Variants in CD47 observed in about 807,000 individuals in gnomAD.
CD47 encodes the protein leukocyte surface antigen CD47.
In CD47, 11 loss-of-function variants were observed where a neutral mutation model predicts 44.6. That is an observed-to-expected ratio of 0.25 (90% CI 0.16 to 0.41). The LOEUF (loss-of-function observed/expected upper bound fraction) is 0.41. CD47 is among the 10% of genes least tolerant of loss of function. The pLI is 1.00. For synonymous variants in CD47, 140 were observed against 136.3 expected, an observed-to-expected ratio of 1.03 and a Z score of -0.19; for missense variants, 306 against 386.7, an observed-to-expected ratio of 0.79 and a Z score of 1.75.
chr3:108,079,957 C>T, intron 2 of CD47, 34 bp downstream of exon 2: 1 of 1,462,236 alleles, frequency 6.8e-7, no homozygotes, highest in Non-Finnish European at 9.4e-7. Context: ...TGCACCAGGA[C>T]AAATAAAAAA....
At chr3:108,049,496 G>C in intron 10 of CD47, 123 bp downstream of exon 10, 1 of 706,800 alleles carries the variant, frequency 1.4e-6, no homozygotes, top group Non-Finnish European at 2.5e-6. Context: ...CAAGAAATGT[G>C]AACCTTTATC....
At chr3:108,058,789 CA>C (rs1011325742) in intron 5 of CD47, among the ~76,000 whole-genome samples, 1 of 152,184 alleles carries the variant, frequency 6.6e-6, no homozygotes, top group African/African-American at 2.4e-5. Flanking sequence ...AACCATTATG[CA>C]AATACCTGAC....
Position 108,068,680 on chromosome 3 carries a change from G to A in CD47, c.490+2413C>T, listed in dbSNP as rs551326559. On this transcript the variant is annotated intron_variant, in intron 3 of 10. Transcript: ENST00000361309. ...GTGCCTGTTTCTTATCTACAAAACG[G>A]GAATAACAACAGTGTCTATGCCCAT... Among the ~76,000 whole-genome samples the A allele has an allele frequency of 2.6e-5, 4 of 152,168 alleles. No homozygotes were observed. The East Asian group carries it at 7.7e-4, about 29-fold the overall frequency.
intron 8 of CD47, among the ~76,000 whole-genome samples, chr3:108,051,023 G>A (rs1341201958): frequency 1.3e-5 from 2 of 152,170 alleles, no homozygotes; most frequent in Non-Finnish European, 2.9e-5. Flanking sequence ...GGATTCACAG[G>A]TCCAGTTAAG....
At chr3:108,055,433 C>T in intron 7 of CD47, 1 of 714,350 alleles carries the variant, frequency 1.4e-6, no homozygotes, top group Non-Finnish European at 2.1e-6. Flanking sequence ...TACATAGATT[C>T]AGATTTACAC....
chr3:108,054,266 C>T (rs1163303366), intron 7 of CD47: 1 of 152,130 alleles, frequency 6.6e-6, no homozygotes, highest in Non-Finnish European at 1.5e-5. Context: ...CAAGTAACTC[C>T]TTTTCTTCCC....
intron 7 of CD47, among the ~76,000 whole-genome samples, chr3:108,056,318 C>T (rs957959162): frequency 5.3e-5 from 8 of 152,044 alleles, no homozygotes; most frequent in African/African-American, 1.7e-4. Context: ...GCTAAGGATA[C>T]GCAGATTTTA....
Position 108,062,230 on chromosome 3 carries a change from A to G in CD47, c.491-1378T>C, listed in dbSNP as rs545489005. 2.0e-5 allele frequency among the ~76,000 whole-genome samples: 3 copies of G among 152,304 alleles called. No individual in the cohort carries two copies. The East Asian group carries it at 5.8e-4, about 29-fold the overall frequency. The stretch of plus-strand genomic sequence containing the variant: ...ATTACTTCCGCCCAGCCCTGGACTT[A>G]TGTGTCTAATACTCAGTCATAGCCT... On this transcript the variant is annotated intron_variant, in intron 3 of 10. Coordinates refer to ENST00000361309, the MANE Select transcript of CD47 (RefSeq NM_001777.4).
Position 108,077,818 on chromosome 3 carries a change from G to A in CD47, c.400+2173C>T, listed in dbSNP as rs533143135. 1.2e-4 allele frequency among the ~76,000 whole-genome samples: 19 copies of A among 152,212 alleles called. No homozygotes were observed. In the South Asian group the frequency reaches 2.3e-3, roughly 18 times the overall value. ...AGCCCTTCTCAAAAGGTCACATCTT[G>A]TATCATTCCATTTATATAGCATTGT... is the stretch of plus-strand genomic sequence containing the variant. On this transcript the variant is annotated intron_variant, in intron 2 of 10. Coordinates refer to ENST00000361309, the MANE Select transcript of CD47 (RefSeq NM_001777.4).
At chr3:108,057,379 AT>A in intron 7 of CD47, 97 bp downstream of exon 7, 2 of 625,218 alleles carry the variant, frequency 3.2e-6, no homozygotes, top group South Asian at 3.5e-5. Flanking sequence ...GTATTTTCTC[AT>A]TTTTGGTCCT....
chr3:108,079,567 T>TAAAAAAAAAAAAAA (rs71629342), intron 2 of CD47, among the ~76,000 whole-genome samples: 6 of 53,118 alleles, frequency 1.1e-4, no homozygotes, highest in East Asian at 1.0e-3. Context: ...AGTGTAAGGT[T>TAAAAAAAAAAAAAA]AAAAAAAAAA....
chr3:108,050,489 C>T, intron 9 of CD47, 89 bp downstream of exon 9: 1 of 684,630 alleles, frequency 1.5e-6, no homozygotes, highest in South Asian at 1.8e-5. Context: ...CTAGATTCTT[C>T]CTAAGGCATA....
In CD47 at chr3:108,059,477, T is replaced by C. The variant is rs2078974807; in HGVS notation, c.666A>G (p.Leu222=). Residue 222 remains leucine (L), a synonymous_variant, in exon 5 of 11, where the codon TTA becomes TTG. Transcript: ENST00000361309. ...LIVTSTGILI[L]LHYYVFSTAI... ...CTGTACTAAACACATAGTAGTGAAG[T>C]AATATTAATATCCCTGTAGAAGTCA... 2 of 1,514,362 alleles carry C rather than the reference T, an allele frequency of 1.3e-6. No homozygotes were observed. The highest frequency in any genetic ancestry group is 2.8e-5 in the African/African-American group (2 of 70,320). The allele number at this position is 1,514,362 out of a possible 1,614,324, so 93.8% of individuals were successfully genotyped here.
chr3:108,050,649 A>T (rs1393668338), intron 8 of CD47, 47 bp from the exon 9 acceptor site: 3 of 670,806 alleles, frequency 4.5e-6, no homozygotes, highest in Non-Finnish European at 7.5e-6. Flanking sequence ...AATTTATGTC[A>T]TGTCATTTTA....
intron 9 of CD47, 128 bp from the exon 10 acceptor site, chr3:108,049,779 T>C: frequency 1.4e-6 from 1 of 694,496 alleles, no homozygotes; most frequent in South Asian, 1.6e-5. Flanking sequence ...ATTGTAAAGC[T>C]ATCATTTCAT....
chr3:108,087,972 GTTCTTT>G (rs2079553748), intron 1 of CD47, among the ~76,000 whole-genome samples: 1 of 151,492 alleles, frequency 6.6e-6, no homozygotes, highest in South Asian at 2.1e-4. Context: ...TATTATTCTT[GTTCTTT>G]TTATCACAGA....
At chr3:108,062,031 C>G (rs1181389237) in intron 3 of CD47, among the ~76,000 whole-genome samples, 5 of 152,024 alleles carry the variant, frequency 3.3e-5, no homozygotes, top group South Asian at 2.1e-4. Flanking sequence ...TAATTTATAA[C>G]CTCAATTTTA....
chr3:108,074,300 ACTGT>A (rs1186857407), intron 2 of CD47, among the ~76,000 whole-genome samples: 1 of 152,052 alleles, frequency 6.6e-6, no homozygotes, highest in Non-Finnish European at 1.5e-5. Flanking sequence ...AACAAAAAAT[ACTGT>A]CTAAGTGATT....
chr3:108,067,372 C>T (rs1195840597), intron 3 of CD47, among the ~76,000 whole-genome samples: 1 of 152,160 alleles, frequency 6.6e-6, no homozygotes, highest in African/African-American at 2.4e-5. Context: ...CTGTATAAAA[C>T]AAAGTTACAA....
Sources: gnomAD v4.1 joint callset for allele counts (sites outside exome capture counted in the v4.1 genomes callset) on GRCh38, gnomAD v4.1.1 for gene constraint, MANE v1.5 for transcripts, NCBI Gene and HGNC (gene_info 2026-07-23, HGNC 2026-07-21) for gene names.